Variants in DSCAM observed in about 807,000 individuals in gnomAD.
DSCAM encodes cell adhesion molecule DSCAM.
DSCAM carries 47 observed loss-of-function variants against 217.7 expected under a neutral mutation model. The ratio of observed to expected loss-of-function variants is 0.22; its 90% CI spans 0.17 to 0.28. The LOEUF (loss-of-function observed/expected upper bound fraction) is 0.28. Ranked by LOEUF, DSCAM falls within the 10% of genes least tolerant of loss-of-function variation. The pLI is 1.00. For synonymous variants in DSCAM, 1,056 were observed against 1,015.3 expected (o/e 1.04, Z -0.76); for missense variants, 2,080 against 2,618.3 (o/e 0.79, Z 4.49).
intron 3 of DSCAM, among the ~76,000 whole-genome samples, chr21:40,458,212 C>T (rs552106497): frequency 4.6e-5 from 7 of 152,242 alleles, no homozygotes; most frequent in South Asian, 2.1e-4. Flanking sequence ...AATTGACCTT[C>T]CTTCCCAGCA....
At chr21:40,393,953 T>C (rs2075156311) in intron 3 of DSCAM, among the ~76,000 whole-genome samples, 1 of 152,238 alleles carries the variant, frequency 6.6e-6, no homozygotes, top group Non-Finnish European at 1.5e-5. Context: ...TATTTCACCA[T>C]TATAATTAAA....
chr21:40,827,458 G>A (rs1347808118), intron 1 of DSCAM, among the ~76,000 whole-genome samples: 1 of 108,986 alleles, frequency 9.2e-6, no homozygotes, highest in East Asian at 2.7e-4. Flanking sequence ...CACAGAGTCA[G>A]TCCATGTCTC....
At chr21:40,460,132 A>G (rs1474118014) in intron 3 of DSCAM, among the ~76,000 whole-genome samples, 1 of 152,134 alleles carries the variant, frequency 6.6e-6, no homozygotes, top group Non-Finnish European at 1.5e-5. Context: ...TGTTGGTGGC[A>G]TTGGGGAAAG....
intron 3 of DSCAM, among the ~76,000 whole-genome samples, chr21:40,476,148 T>C (rs190149641): frequency 6.6e-6 from 1 of 152,118 alleles, no homozygotes; most frequent in East Asian, 1.9e-4. Flanking sequence ...AACCACCTCA[T>C]AGAGAAAGGG....
At chr21:40,642,484 T>C (rs2089894923) in intron 3 of DSCAM, among the ~76,000 whole-genome samples, 1 of 152,184 alleles carries the variant, frequency 6.6e-6, no homozygotes, top group South Asian at 2.1e-4. Flanking sequence ...AAAAGAGAAA[T>C]TTTTCTGCCC....
intron 30 of DSCAM, 72 bp downstream of exon 30, chr21:40,051,886 A>G (rs2088937372): frequency 2.0e-6 from 3 of 1,519,664 alleles, no homozygotes; most frequent in Non-Finnish European, 1.8e-6. Flanking sequence ...TTTTCATTTG[A>G]GAGAGAAAGA....
At chr21:40,037,623 A>G (rs1417720646) in intron 32 of DSCAM, among the ~76,000 whole-genome samples, 1 of 149,844 alleles carries the variant, frequency 6.7e-6, no homozygotes, top group Admixed American at 6.6e-5. Flanking sequence ...TGCCATCCCC[A>G]TCAAGCTACC....
intron 3 of DSCAM, among the ~76,000 whole-genome samples, chr21:40,594,321 C>T (rs747424397): frequency 6.6e-5 from 10 of 152,108 alleles, no homozygotes; most frequent in Non-Finnish European, 1.3e-4. Context: ...TGGAAGGTAA[C>T]CAGCAGACTA....
chr21:40,304,251 C>A (rs1601533370), intron 9 of DSCAM, among the ~76,000 whole-genome samples: 2 of 152,328 alleles, frequency 1.3e-5, no homozygotes, highest in Admixed American at 1.3e-4. Context: ...GGCTATCAAA[C>A]AATGTGCTAA....
chr21:40,671,548 G>C (rs1261324237), intron 3 of DSCAM, among the ~76,000 whole-genome samples: 4 of 151,936 alleles, frequency 2.6e-5, no homozygotes, highest in Non-Finnish European at 1.5e-5. Flanking sequence ...AGCCAGGTGT[G>C]GTGGGTGGTG....
chr21:40,379,083 G>A (rs1305735164), intron 3 of DSCAM, among the ~76,000 whole-genome samples: 1 of 152,204 alleles, frequency 6.6e-6, no homozygotes, highest in Non-Finnish European at 1.5e-5. Context: ...ACCAAAGGCA[G>A]TGGTATATGA....
At position 40,321,858 on chromosome 21, in the gene DSCAM, C is replaced by T. The variant is rs530672502; in HGVS notation, c.1784-9499G>A. Among the ~76,000 whole-genome samples, 14 of 152,268 alleles carry T rather than the reference C, an allele frequency of 9.2e-5. No individual in the cohort carries two copies. The East Asian group carries it at 1.7e-3, about 19-fold the overall frequency. ...ATGTGAGCAACTGCACCTGACCCACCTCTGTCCCCACACCCTGTCCGAGCC... is the reference window on the plus strand; with the variant it reads ...ATGTGAGCAACTGCACCTGACCCACTTCTGTCCCCACACCCTGTCCGAGCC... On this transcript the variant is annotated intron_variant, in intron 8 of 32. Transcript: ENST00000400454.
Position 40,610,258 on chromosome 21 carries a change from G to A in DSCAM, c.508+82552C>T, listed in dbSNP as rs1239006573. Among the ~76,000 whole-genome samples, 5 of 152,244 alleles carry A rather than the reference G, an allele frequency of 3.3e-5. No individual in the cohort carries two copies. In the South Asian group the frequency reaches 8.3e-4, roughly 25 times the overall value. Reference sequence around the variant, plus strand: ...ATTGCAGACCATCTGCTGCCCTGACGGCCACTCGGTGTACATTTCTCCCCT... The same window carrying A: ...ATTGCAGACCATCTGCTGCCCTGACAGCCACTCGGTGTACATTTCTCCCCT... On this transcript the variant is annotated intron_variant, in intron 3 of 32. Transcript: ENST00000400454.
At chr21:40,638,225 G>A (rs935456772) in intron 3 of DSCAM, among the ~76,000 whole-genome samples, 5 of 152,102 alleles carry the variant, frequency 3.3e-5, no homozygotes, top group African/African-American at 1.2e-4. Context: ...GCCCTGCTGT[G>A]TACGTCAGGT....
chr21:40,164,186 G>C (rs1258609599), intron 16 of DSCAM, among the ~76,000 whole-genome samples: 1 of 152,224 alleles, frequency 6.6e-6, no homozygotes, highest in Non-Finnish European at 1.5e-5. Context: ...GGGTAACATA[G>C]AGGGTGAAAC....
At chr21:40,080,011 C>T (rs749555650) in intron 25 of DSCAM, 141 bp downstream of exon 25, 19 of 716,370 alleles carry the variant, frequency 2.7e-5, no homozygotes, top group Admixed American at 2.3e-4. Flanking sequence ...CTCATTATGC[C>T]GTGGCACTGC....
chr21:40,088,446 A>T (rs1381379041), intron 21 of DSCAM, among the ~76,000 whole-genome samples: 2 of 152,220 alleles, frequency 1.3e-5, no homozygotes. Context: ...TACCCACATT[A>T]GTCACTAGGA....
chr21:40,568,023 C>T (rs1485233223), intron 3 of DSCAM, among the ~76,000 whole-genome samples: 1 of 152,032 alleles, frequency 6.6e-6, no homozygotes, highest in Non-Finnish European at 1.5e-5. Flanking sequence ...CTGCAACCTC[C>T]GCCTCTAGTG....
chr21:40,516,812 T>A (rs1324789557), intron 3 of DSCAM, among the ~76,000 whole-genome samples: 2 of 151,588 alleles, frequency 1.3e-5, no homozygotes, highest in Non-Finnish European at 2.9e-5. Context: ...TATACACTAT[T>A]GTGTTTCAAA....
Sources: allele counts gnomAD v4.1 joint callset (sites outside exome capture counted in the v4.1 genomes callset), GRCh38; gene constraint gnomAD v4.1.1; transcripts MANE v1.5; gene names NCBI Gene and HGNC (gene_info 2026-07-23, HGNC 2026-07-21).